Variants in SARS2 observed in about 807,000 individuals in gnomAD.
SARS2 encodes the protein seryl-tRNA synthetase 2, mitochondrial.
A neutral mutation model predicts 66.8 loss-of-function variants in SARS2; 52 were observed. That is an observed-to-expected ratio of 0.78 (90% CI 0.62 to 0.98). SARS2 has a LOEUF of 0.98. Ranked by LOEUF, SARS2 falls within the 50% of genes least tolerant of loss-of-function variation. The pLI, the probability that SARS2 is intolerant of heterozygous loss-of-function variation, is 0.00. For synonymous variants in SARS2, 306 were observed against 281.4 expected, an observed-to-expected ratio of 1.09 and a Z score of -0.87; for missense variants, 673 against 706.3, an observed-to-expected ratio of 0.95 and a Z score of 0.53.
At chr19:38,918,645 TG>T in intron 8 of SARS2, 115 bp from the exon 9 acceptor site, 1 of 1,387,882 alleles carries the variant, frequency 7.2e-7, no homozygotes, top group African/African-American at 1.4e-5. Context: ...CTGGCCTCCC[TG>T]GTATGGCCTG....
At chr19:38,925,968 C>T (rs1358385166) in intron 2 of SARS2, among the ~76,000 whole-genome samples, 1 of 152,140 alleles carries the variant, frequency 6.6e-6, no homozygotes, top group African/African-American at 2.4e-5. Flanking sequence ...AGGTGTCCAC[C>T]GCCATGCCGC....
At chr19:38,918,562 G>T in intron 8 of SARS2, 32 bp from the exon 9 acceptor site, 1 of 1,551,450 alleles carries the variant, frequency 6.4e-7, no homozygotes, top group South Asian at 1.1e-5. Flanking sequence ...CAGGGATCAG[G>T]GGACAGGTAA....
At chr19:38,920,193 A>G in intron 5 of SARS2, 44 bp from the exon 6 acceptor site, 2 of 1,487,112 alleles carry the variant, frequency 1.3e-6, no homozygotes, top group Non-Finnish European at 1.8e-6. Flanking sequence ...GCGGGGAGAG[A>G]GGGATGGGGC....
intron 7 of SARS2, among the ~76,000 whole-genome samples, chr19:38,919,446 C>T (rs559957628): frequency 1.3e-5 from 2 of 152,346 alleles, no homozygotes; most frequent in Non-Finnish European, 1.5e-5. Flanking sequence ...TTCCCAAATG[C>T]TCCCTTTATA....
chr19:38,926,332 G>A, intron 1 of SARS2, 32 bp from the exon 2 acceptor site: 1 of 1,589,706 alleles, frequency 6.3e-7, no homozygotes, highest in Non-Finnish European at 8.5e-7. Context: ...AGGAGATGAA[G>A]CAGCCATCAC....
At chr19:38,926,998 A>C (rs1171622614) in intron 1 of SARS2, among the ~76,000 whole-genome samples, 2 of 146,902 alleles carry the variant, frequency 1.4e-5, no homozygotes, top group African/African-American at 5.1e-5. Flanking sequence ...GTGTAGTGGC[A>C]TGATCTTGGC....
intron 1 of SARS2, among the ~76,000 whole-genome samples, chr19:38,926,682 AG>A (rs1974633574): frequency 6.6e-6 from 1 of 152,196 alleles, no homozygotes; most frequent in African/African-American, 2.4e-5. Flanking sequence ...GCTACCCAGG[AG>A]GCTGAGGCAC....
chr19:38,923,193 C>CCG (rs1397835025), intron 2 of SARS2, among the ~76,000 whole-genome samples: 2 of 146,370 alleles, frequency 1.4e-5, no homozygotes, highest in African/African-American at 2.5e-5. Context: ...GCGTGAGCCA[C>CCG]CGCGCCCAGC....
chr19:38,930,439 T>A, intron 1 of SARS2, 31 bp downstream of exon 1: 1 of 1,576,936 alleles, frequency 6.3e-7, no homozygotes. Flanking sequence ...AGCAAACGTC[T>A]GCGCCCCCCG....
intron 3 of SARS2, chr19:38,921,974 A>C (rs1974544855): frequency 6.4e-7 from 1 of 1,551,518 alleles, no homozygotes; most frequent in Admixed American, 2.0e-5. Context: ...CTATCAGGAA[A>C]GCGTGCTTGA....
intron 2 of SARS2, among the ~76,000 whole-genome samples, chr19:38,923,190 C>T (rs1479513483): frequency 6.7e-6 from 1 of 148,880 alleles, no homozygotes; most frequent in Non-Finnish European, 1.5e-5. Context: ...CAGGCGTGAG[C>T]CACCGCGCCC....
intron 8 of SARS2, 58 bp from the exon 9 acceptor site, chr19:38,918,588 T>C: frequency 1.3e-6 from 2 of 1,481,906 alleles, no homozygotes; most frequent in Non-Finnish European, 1.9e-6. Flanking sequence ...GCCTCTCGTT[T>C]TACAGTCCCA....
chr19:38,928,576 T>C (rs1362403136), intron 1 of SARS2, among the ~76,000 whole-genome samples: 1 of 152,182 alleles, frequency 6.6e-6, no homozygotes, highest in African/African-American at 2.4e-5. Context: ...GTGAAATGTA[T>C]TTCTTACTCT....
Position 38,920,093 on chromosome 19 carries a change from G to C in SARS2, c.646C>G (p.Arg216Gly). ...GCCAGGGGAGGGGCTCACTTCTGAC[G>C]GATGATGTCGAGTTTCTCGCCAATT... ...LEIGEKLDII[R>G]QKRLSHVSGH... Residue 216 changes from arginine to glycine, a missense_variant, in exon 6 of 16, where the codon CGT becomes GGT. Coordinates refer to ENST00000221431, the MANE Select transcript of SARS2 (RefSeq NM_017827.4). The C allele has an allele frequency of 1.9e-6, 3 of 1,560,346 alleles. No individual in the cohort carries two copies. The highest frequency in any genetic ancestry group is 1.7e-6 in the Non-Finnish European group (2 of 1,151,578).
At chr19:38,921,260 A>C (rs1974529092) in intron 5 of SARS2, 132 bp downstream of exon 5, 1 of 948,470 alleles carries the variant, frequency 1.1e-6, no homozygotes, top group African/African-American at 1.6e-5. Flanking sequence ...AGGAAGCTGG[A>C]GCCACCTCCT....
intron 1 of SARS2, chr19:38,930,138 T>C: frequency 3.3e-6 from 1 of 299,994 alleles, no homozygotes; most frequent in Non-Finnish European, 6.3e-6. Flanking sequence ...CATTTTCCTT[T>C]GTGGTCTTAG....
Position 38,918,072 on chromosome 19 carries a change from G to T in SARS2, c.962+22C>A, listed in dbSNP as rs1974450666. On this transcript the variant is annotated intron_variant, in intron 10 of 15. Transcript: ENST00000221431. ...ACTGATTGTCACAGGTGGGGTCAAGGTCTAAGGAAACCAGGTGTCACCTGA... is the reference window on the plus strand; with the variant it reads ...ACTGATTGTCACAGGTGGGGTCAAGTTCTAAGGAAACCAGGTGTCACCTGA... The T allele has an allele frequency of 2.5e-6, 4 of 1,605,488 alleles. No individual in the cohort carries two copies. In the East Asian group the frequency reaches 6.7e-5, roughly 27 times the overall value.
intron 11 of SARS2, 27 bp from the exon 12 acceptor site, chr19:38,917,860 A>G (rs769610634): frequency 1.9e-6 from 3 of 1,613,214 alleles, no homozygotes; most frequent in East Asian, 4.5e-5. Flanking sequence ...AGGAGTCAGG[A>G]GGCTCTGAGC....
In SARS2 at chr19:38,930,461, C is replaced by T. The variant is rs1191002068; in HGVS notation, c.267+9G>A. On this transcript the variant is annotated intron_variant, in intron 1 of 15. Coordinates refer to ENST00000221431, the MANE Select transcript of SARS2 (RefSeq NM_017827.4). ...GTCTGCGCCCCCCGGCCGGCGCAGG[C>T]GCACTCACGATCGCGGGCAGGTCCG... The T allele has an allele frequency of 6.3e-7, 1 of 1,592,392 alleles. No individual in the cohort carries two copies. Among genetic ancestry groups the T allele is most frequent in the Non-Finnish European group, 8.6e-7 (1 of 1,168,446 alleles).
Sources: allele counts gnomAD v4.1 joint callset (sites outside exome capture counted in the v4.1 genomes callset), GRCh38; gene constraint gnomAD v4.1.1; transcripts MANE v1.5; gene names NCBI Gene and HGNC (gene_info 2026-07-23, HGNC 2026-07-21).